The following SLC1A3 variants were observed in gnomAD, a reference collection of about 807,000 sequenced individuals.
SLC1A3 encodes solute carrier family 1 member 3, also known as excitatory amino acid transporter 1.
In SLC1A3, 21 loss-of-function variants were observed where a neutral mutation model predicts 48.1. The observed-to-expected ratio is 0.44, with a 90% CI of 0.31 to 0.63. SLC1A3 has a LOEUF of 0.63. Ranked by LOEUF, SLC1A3 falls within the 20% of genes least tolerant of loss-of-function variation. The pLI is 0.08. For synonymous variants in SLC1A3, 239 were observed against 251.4 expected (o/e 0.95, Z 0.47); for missense variants, 546 against 689.0 (o/e 0.79, Z 2.32).
At chr5:36,619,454 A>G (rs772998665) in intron 2 of SLC1A3, among the ~76,000 whole-genome samples, 40 of 152,198 alleles carry the variant, frequency 2.6e-4, no homozygotes, top group Admixed American at 1.2e-3. Flanking sequence ...AGCCTGGGCA[A>G]CATAGTGAGA....
intron 3 of SLC1A3, among the ~76,000 whole-genome samples, chr5:36,661,377 A>G (rs924492006): frequency 6.6e-6 from 1 of 152,250 alleles, no homozygotes; most frequent in African/African-American, 2.4e-5. Flanking sequence ...ATGCCACTGC[A>G]CTCCAGCCTG....
At chr5:36,656,549 G>T (rs1302614063) in intron 3 of SLC1A3, among the ~76,000 whole-genome samples, 1 of 152,218 alleles carries the variant, frequency 6.6e-6, no homozygotes, top group Non-Finnish European at 1.5e-5. Context: ...GTGAGACTAT[G>T]ACTGTCTAAT....
rs774420370 is a variant in SLC1A3 at position 36,671,219 on chromosome 5, C to G, written c.510C>G (p.Phe170Leu). Residue 170 changes from phenylalanine to leucine, a missense_variant, in exon 4 of 10, where the codon TTC becomes TTG. Physicochemically the swap from Phe to Leu is conservative, Grantham distance 22 (BLOSUM62 0). Around this residue, in one of 3 missense-constraint regions of SLC1A3, gnomAD observed 348 missense variants for 392.0 expected, o/e 0.89. Coordinates refer to ENST00000265113, the MANE Select transcript of SLC1A3 (RefSeq NM_004172.5). ...KIVRVTAADA[F>L]LDLIRNMFPP... ...TACGAGTGACAGCTGCAGATGCCTT[C>G]CTGGACTTGATCAGGTATGTCCTTG... 2.0e-5 allele frequency: 32 copies of G among 1,612,962 alleles called. No homozygotes were observed. The highest frequency in any genetic ancestry group is 3.3e-5 in the Admixed American group (2 of 59,926).
chr5:36,661,963 G>A (rs796738064), intron 3 of SLC1A3, among the ~76,000 whole-genome samples: 2 of 152,258 alleles, frequency 1.3e-5, no homozygotes, highest in African/African-American at 4.8e-5. Flanking sequence ...ACAGTCATGC[G>A]GGAAGGTCTT....
At chr5:36,636,723 G>A (rs191405112) in intron 3 of SLC1A3, among the ~76,000 whole-genome samples, 1 of 151,562 alleles carries the variant, frequency 6.6e-6, no homozygotes, top group Non-Finnish European at 1.5e-5. Context: ...GAGGAACATG[G>A]CCTCACAAAT....
In SLC1A3 at chr5:36,680,401, C is replaced by A. The variant is rs1326461851; in HGVS notation, c.1101C>A (p.Ala367=). The A allele has an allele frequency of 6.2e-7, 1 of 1,613,912 alleles. No homozygotes were observed. The highest frequency in any genetic ancestry group is 1.3e-5 in the African/African-American group (1 of 74,946). Residue 367 remains alanine (A), a synonymous_variant, in exon 8 of 10, where the codon GCC becomes GCA. Transcript: ENST00000265113. ...CCTATTTCACTGTTCTCAGTTCTGC[C>A]ACCCTACCCATCACCTTCAAGTGCC... ...ITALGTSSSS[A]TLPITFKCLE...
intron 2 of SLC1A3, among the ~76,000 whole-genome samples, chr5:36,624,101 T>A (rs1300509541): frequency 6.6e-6 from 1 of 152,114 alleles, no homozygotes; most frequent in South Asian, 2.1e-4. Context: ...CGACCCTACC[T>A]CTGGCTTCAG....
At chr5:36,625,239 C>T (rs1005860325) in intron 2 of SLC1A3, among the ~76,000 whole-genome samples, 10 of 152,348 alleles carry the variant, frequency 6.6e-5, no homozygotes, top group Admixed American at 3.9e-4. Context: ...AGGCGGATCA[C>T]GTGACGTCAG....
intron 1 of SLC1A3, among the ~76,000 whole-genome samples, chr5:36,601,262 C>G (rs1738804274): frequency 7.3e-6 from 1 of 136,712 alleles, no homozygotes; most frequent in African/African-American, 3.4e-5. Flanking sequence ...AATAAGCTTC[C>G]TTTGGTACTG....
Position 36,642,988 on chromosome 5 carries a change from A to G in SLC1A3, c.319+13401A>G, listed in dbSNP as rs555013596. On this transcript the variant is annotated intron_variant, in intron 3 of 9. Transcript: ENST00000265113. ...CCATATAATGGAATACTACCCATTC[A>G]TATAATGAACATATCACATGTCCAT... is the stretch of plus-strand genomic sequence containing the variant. Among the ~76,000 whole-genome samples, 9 of 152,376 alleles carry G rather than the reference A, an allele frequency of 5.9e-5. No individual in the cohort carries two copies. The East Asian group carries it at 1.7e-3, about 29-fold the overall frequency.
At chr5:36,625,240 G>A (rs1307128231) in intron 2 of SLC1A3, among the ~76,000 whole-genome samples, 1 of 152,286 alleles carries the variant, frequency 6.6e-6, no homozygotes, top group South Asian at 2.1e-4. Flanking sequence ...GGCGGATCAC[G>A]TGACGTCAGG....
At chr5:36,673,993 A>T in intron 4 of SLC1A3, 56 bp from the exon 5 acceptor site, 1 of 1,365,672 alleles carries the variant, frequency 7.3e-7, no homozygotes, top group Non-Finnish European at 1.0e-6. Context: ...AACAGAATTT[A>T]AGGAGCAAAC....
At chr5:36,650,628 T>C (rs923334110) in intron 3 of SLC1A3, among the ~76,000 whole-genome samples, 1 of 152,224 alleles carries the variant, frequency 6.6e-6, no homozygotes, top group Non-Finnish European at 1.5e-5. Flanking sequence ...GATGATTATG[T>C]CACCATGGTA....
chr5:36,656,626 A>G (rs1580003758), intron 3 of SLC1A3, among the ~76,000 whole-genome samples: 1 of 152,368 alleles, frequency 6.6e-6, no homozygotes, highest in East Asian at 1.9e-4. Context: ...TACTATTTGT[A>G]CATTTGCATT....
chr5:36,613,412 CT>C (rs1739289195), intron 2 of SLC1A3: 1 of 152,502 alleles, frequency 6.6e-6, no homozygotes, highest in South Asian at 2.1e-4. Flanking sequence ...CTGGACGTAA[CT>C]GACCAAGCCA....
chr5:36,676,000 A>C (rs955411219), intron 5 of SLC1A3, among the ~76,000 whole-genome samples: 2 of 152,170 alleles, frequency 1.3e-5, no homozygotes, highest in Non-Finnish European at 1.5e-5. Flanking sequence ...CATTAAAATC[A>C]CAGAGGGATG....
At chr5:36,685,937 T>A in intron 9 of SLC1A3, 128 bp from the exon 10 acceptor site, 1 of 744,432 alleles carries the variant, frequency 1.3e-6, no homozygotes, top group South Asian at 1.4e-5. Context: ...TATTACGTAA[T>A]CTTGCAGTTG....
upstream of SLC1A3, among the ~76,000 whole-genome samples, chr5:36,602,723 T>G (rs968372805): frequency 5.3e-5 from 8 of 152,232 alleles, no homozygotes; most frequent in African/African-American, 1.9e-4. Context: ...GGAATCTATT[T>G]GGGGGGGTTC....
At chr5:36,610,948 A>C (rs888512635) in intron 2 of SLC1A3, among the ~76,000 whole-genome samples, 1 of 152,178 alleles carries the variant, frequency 6.6e-6, no homozygotes, top group Non-Finnish European at 1.5e-5. Flanking sequence ...TACATCAAAG[A>C]CTTGGAATAG....
Sources: gnomAD v4.1 joint callset for allele counts (sites outside exome capture counted in the v4.1 genomes callset) on GRCh38, gnomAD v4.1.1 for gene constraint, gnomAD v4.1.1 regional missense constraint, MANE v1.5 for transcripts, NCBI Gene and HGNC (gene_info 2026-07-23, HGNC 2026-07-21) for gene names.